The following CACNB4 variants were observed in gnomAD, a reference collection of about 807,000 sequenced individuals.
The protein encoded by CACNB4 is calcium voltage-gated channel auxiliary subunit beta 4.
A neutral mutation model predicts 71.2 loss-of-function variants in CACNB4; 32 were observed. That is an observed-to-expected ratio of 0.45 (90% confidence interval 0.34 to 0.60). The LOEUF (loss-of-function observed/expected upper bound fraction) is 0.60, where lower values mean the gene tolerates loss of function less well. Ranked by LOEUF, CACNB4 falls within the 20% of genes least tolerant of loss-of-function variation. The pLI, the probability that CACNB4 is intolerant of heterozygous loss-of-function variation, is 0.01. For synonymous variants in CACNB4, 231 were observed against 236.9 expected (o/e 0.97, Z 0.23); for missense variants, 464 against 647.9 (o/e 0.72, Z 3.08).
At chr2:151,917,216 C>T (rs1426036119) in intron 2 of CACNB4, among the ~76,000 whole-genome samples, 2 of 152,140 alleles carry the variant, frequency 1.3e-5, no homozygotes. Flanking sequence ...TATCATATCC[C>T]TGCTATGAAA....
rs1339338343 is a variant in CACNB4, at chr2:152,086,119, T to C, written c.147+12211A>G. Among the ~76,000 whole-genome samples, 14 of 152,228 alleles carry C rather than the reference T, an allele frequency of 9.2e-5. No individual in the cohort carries two copies. In the South Asian group the frequency reaches 2.7e-3, roughly 29 times the overall value. ...GTCTCTACTAATGGACAAACAGTCA[T>C]AACAGTAATATCCATGGTACACATT... On this transcript the variant is annotated intron_variant, in intron 2 of 13. Transcript: ENST00000539935.
chr2:152,065,183 T>C (rs1299487367), intron 2 of CACNB4, among the ~76,000 whole-genome samples: 1 of 152,052 alleles, frequency 6.6e-6, no homozygotes. Flanking sequence ...AGGAGTTCGA[T>C]ACCAGCCTAG....
chr2:151,965,425 T>C (rs2099870827), intron 2 of CACNB4, among the ~76,000 whole-genome samples: 1 of 152,296 alleles, frequency 6.6e-6, no homozygotes, highest in South Asian at 2.1e-4. Flanking sequence ...TTAATGACTG[T>C]CTCCTAGAAT....
At chr2:151,860,486 T>C (rs2099841355) in intron 10 of CACNB4, 1 of 557,366 alleles carries the variant, frequency 1.8e-6, no homozygotes, top group Non-Finnish European at 3.2e-6. Context: ...GAGGATTCTT[T>C]CCACCAGACT....
At chr2:152,004,272 T>C (rs1682592105) in intron 2 of CACNB4, among the ~76,000 whole-genome samples, 1 of 152,114 alleles carries the variant, frequency 6.6e-6, no homozygotes, top group African/African-American at 2.4e-5. Flanking sequence ...AACTCTCCTC[T>C]ACCTACCCAC....
At chr2:151,840,317 G>C (rs1272204849) in intron 13 of CACNB4, among the ~76,000 whole-genome samples, 1 of 152,168 alleles carries the variant, frequency 6.6e-6, no homozygotes, top group Non-Finnish European at 1.5e-5. Flanking sequence ...TTGTTACTGG[G>C]AGAAGAAATA....
chr2:151,849,491 GC>G (rs1445171228), intron 12 of CACNB4, among the ~76,000 whole-genome samples: 1 of 152,176 alleles, frequency 6.6e-6, no homozygotes, highest in Non-Finnish European at 1.5e-5. Context: ...GCTCAGTGCA[GC>G]CTTGAACTCC....
chr2:151,926,087 G>A (rs555078953), intron 2 of CACNB4, among the ~76,000 whole-genome samples: 1 of 152,172 alleles, frequency 6.6e-6, no homozygotes, highest in African/African-American at 2.4e-5. Context: ...AGAATACATT[G>A]AATATTTTAA....
chr2:152,071,029 G>T (rs1165431029), intron 2 of CACNB4, among the ~76,000 whole-genome samples: 2 of 152,340 alleles, frequency 1.3e-5, no homozygotes, highest in East Asian at 3.9e-4. Flanking sequence ...GCTTCCCAGA[G>T]TGCTGAGATT....
intron 9 of CACNB4, 41 bp downstream of exon 9, chr2:151,869,135 GT>G (rs1276826423): frequency 8.4e-7 from 1 of 1,186,312 alleles, no homozygotes; most frequent in Non-Finnish European, 1.2e-6. Flanking sequence ...CACAAGTTTG[GT>G]TAAAGGAAAA....
chr2:151,882,445 G>C (rs1194775880), intron 3 of CACNB4, among the ~76,000 whole-genome samples: 1 of 152,078 alleles, frequency 6.6e-6, no homozygotes, highest in Non-Finnish European at 1.5e-5. Flanking sequence ...AAAATCAGAA[G>C]ACTGAACCAA....
chr2:152,003,444 TAAA>T (rs763364867), intron 2 of CACNB4, among the ~76,000 whole-genome samples: 2 of 139,244 alleles, frequency 1.4e-5, no homozygotes, highest in East Asian at 2.1e-4. Flanking sequence ...AGATTCCATC[TAAA>T]AAAAAAAAAA....
chr2:152,089,891 G>A (rs1014312539), intron 2 of CACNB4, among the ~76,000 whole-genome samples: 2 of 152,202 alleles, frequency 1.3e-5, no homozygotes, highest in Middle Eastern at 3.4e-3. Context: ...CAGGGAACAC[G>A]ACCCTGTCTC....
intron 2 of CACNB4, chr2:151,972,062 C>T (rs1320054540): frequency 9.6e-6 from 1 of 103,974 alleles, no homozygotes; most frequent in South Asian, 2.8e-4. Flanking sequence ...GACACTGGAC[C>T]CAAAGGCAAA....
intron 2 of CACNB4, among the ~76,000 whole-genome samples, chr2:152,003,527 T>A (rs1341130153): frequency 2.0e-5 from 3 of 152,014 alleles, no homozygotes. Flanking sequence ...GCGCTTATTA[T>A]ATTTTGACCT....
At chr2:152,024,390 T>C (rs13424885) in intron 2 of CACNB4, among the ~76,000 whole-genome samples, 32,256 of 152,150 alleles carry the variant, frequency 0.21, 3,578 homozygotes, top group Middle Eastern at 0.36. Flanking sequence ...AAAATGAATA[T>C]ATGCAGACTG....
intron 2 of CACNB4, among the ~76,000 whole-genome samples, chr2:151,934,280 C>T (rs757532124): frequency 6.6e-5 from 10 of 152,142 alleles, no homozygotes; most frequent in Non-Finnish European, 1.2e-4. Flanking sequence ...AAGTGAATGT[C>T]GCCGCTTGGT....
intron 2 of CACNB4, among the ~76,000 whole-genome samples, chr2:151,927,234 A>C (rs1284920577): frequency 6.6e-6 from 1 of 152,202 alleles, no homozygotes; most frequent in Non-Finnish European, 1.5e-5. Context: ...TGCAGATAAG[A>C]ATGATTCAGT....
chr2:152,043,671 C>T (rs943306511), intron 2 of CACNB4, among the ~76,000 whole-genome samples: 3 of 146,928 alleles, frequency 2.0e-5, no homozygotes, highest in Non-Finnish European at 4.4e-5. Flanking sequence ...TGCGTGTATA[C>T]ACGTATACAT....
Sources: allele counts gnomAD v4.1 joint callset (sites outside exome capture counted in the v4.1 genomes callset), GRCh38; gene constraint gnomAD v4.1.1; transcripts MANE v1.5; gene names NCBI Gene and HGNC (gene_info 2026-07-23, HGNC 2026-07-21).